SLC6A2: variants seen among roughly 807,000 people sequenced by gnomAD.
The protein encoded by SLC6A2 is sodium-dependent noradrenaline transporter.
Under a neutral mutation model 71.7 loss-of-function variants are expected in SLC6A2, and 26 were observed. That is an observed-to-expected ratio of 0.36 (90% confidence interval 0.27 to 0.50). SLC6A2 has a LOEUF of 0.50. Among genes scored for constraint, SLC6A2 ranks in the 20% least tolerant of loss-of-function variants. The pLI is 0.96. For missense variants in SLC6A2, 581 were observed against 803.9 expected (o/e 0.72, Z 3.35); for synonymous variants, 363 against 337.9 (o/e 1.07, Z -0.82).
At position 55,691,905 on chromosome 16, in the gene SLC6A2, A is replaced by G. The variant is rs531745755; in HGVS notation, c.784-13A>G. 6.2e-7 allele frequency: 1 copy of G among 1,614,114 alleles called. No homozygotes were observed. The highest frequency in any genetic ancestry group is 8.5e-7 in the Non-Finnish European group (1 of 1,179,998). The stretch of plus-strand genomic sequence containing the variant: ...CAGAGCGAGGCTCTCACCTGAACTT[A>G]TCCATTGCCCAGGTGGTGTGGATCA... On this transcript the variant is annotated splice_polypyrimidine_tract_variant and intron_variant, in intron 5 of 14. Coordinates refer to ENST00000568943, the MANE Select transcript of SLC6A2 (RefSeq NM_001172501.3).
intron 4 of SLC6A2, among the ~76,000 whole-genome samples, chr16:55,679,686 G>T (rs556272874): frequency 6.6e-6 from 1 of 152,208 alleles, no homozygotes; most frequent in Non-Finnish European, 1.5e-5. Context: ...GAGCTCGGAC[G>T]TGTGTTCTGG....
rs1021018162 is a variant in SLC6A2, at chr16:55,656,345, C to A, written c.-52+176C>A. On this transcript the variant is annotated intron_variant, in intron 1 of 14. Coordinates refer to ENST00000568943, the MANE Select transcript of SLC6A2 (RefSeq NM_001172501.3). This position sits in a 1 kb window ranked among gnomAD's most constrained non-coding sequence, Gnocchi z 4.5. ...GGGGAGGGGGTCGGCACGCTGCCCTCAGCCTCGGTGAGTTCAATCCCAGCC... is the reference window on the plus strand; with the variant it reads ...GGGGAGGGGGTCGGCACGCTGCCCTAAGCCTCGGTGAGTTCAATCCCAGCC... The A allele has an allele frequency of 7.5e-6, 3 of 397,768 alleles. No individual in the cohort carries two copies. The highest frequency in any genetic ancestry group is 1.4e-5 in the Non-Finnish European group (3 of 213,218). The allele number at this position is 397,768 out of a possible 1,614,324, so 24.6% of individuals were successfully genotyped here. A position where few individuals can be genotyped will look rare whatever the true frequency, so the allele number is the denominator to read the frequency against.
chr16:55,658,404 G>A (rs1163835579), intron 2 of SLC6A2, among the ~76,000 whole-genome samples: 2 of 152,028 alleles, frequency 1.3e-5, no homozygotes, highest in East Asian at 1.9e-4. Context: ...TCCCAGCTAC[G>A]CAGGAGGCTG....
chr16:55,658,163 C>T (rs1280593488), intron 2 of SLC6A2, among the ~76,000 whole-genome samples: 1 of 152,116 alleles, frequency 6.6e-6, no homozygotes, highest in Admixed American at 6.5e-5. Flanking sequence ...TACAACTCTG[C>T]TTCTATGTGT....
intron 2 of SLC6A2, among the ~76,000 whole-genome samples, chr16:55,662,957 A>G (rs542701055): frequency 2.3e-4 from 35 of 152,294 alleles, no homozygotes; most frequent in South Asian, 2.1e-4. Context: ...CTCCGATTCA[A>G]TTCAATTCTG....
At chr16:55,699,518 G>T (rs1317592751) in intron 11 of SLC6A2, 36 bp from the exon 12 acceptor site, 3 of 1,531,140 alleles carry the variant, frequency 2.0e-6, no homozygotes, top group Non-Finnish European at 2.7e-6. Flanking sequence ...GCTATCATGG[G>T]GGCCATGGTA....
chr16:55,698,736 T>C (rs1263449135), intron 11 of SLC6A2, among the ~76,000 whole-genome samples, 168 bp downstream of exon 11: 2 of 152,148 alleles, frequency 1.3e-5, no homozygotes, highest in Non-Finnish European at 2.9e-5. Flanking sequence ...TGGATGAACC[T>C]GCCCTTAACA....
rs146095061 is a variant in SLC6A2 at position 55,699,564 on chromosome 16, G to A, written c.1500G>A (p.Arg500=). 31 of 1,613,850 alleles carry A rather than the reference G, an allele frequency of 1.9e-5. No individual in the cohort carries two copies. The highest frequency in any genetic ancestry group is 2.2e-5 in the Non-Finnish European group (26 of 1,179,878). The stretch of plus-strand genomic sequence containing the variant: ...CCTGTGTGTGCACAGGAGTGGACAG[G>A]TTCAGCAACGACATCCAGCAGATGA... The part of the protein sequence containing the change: ...IGVSWFYGVD[R]FSNDIQQMMG... Residue 500 remains arginine (R), a synonymous_variant, in exon 12 of 15, where the codon AGG becomes AGA. Transcript: ENST00000568943.
intron 4 of SLC6A2, 81 bp downstream of exon 4, chr16:55,672,256 G>A (rs1044668568): frequency 1.2e-4 from 187 of 1,611,678 alleles, no homozygotes; most frequent in Non-Finnish European, 1.4e-4. Context: ...GAAAGTCACA[G>A]ACCAAGGAGA....
chr16:55,682,754 A>C (rs1316859369), intron 4 of SLC6A2, among the ~76,000 whole-genome samples: 1 of 152,158 alleles, frequency 6.6e-6, no homozygotes, highest in East Asian at 1.9e-4. Context: ...GTGACACTGG[A>C]TCTGGGCTTT....
In SLC6A2 at chr16:55,705,605, A is replaced by G. The variant is rs917062905; in HGVS notation, c.*3259A>G. 1.6e-5 allele frequency: 4 copies of G among 244,504 alleles called. No homozygotes were observed. Among genetic ancestry groups the G allele is most frequent in the Non-Finnish European group, 2.3e-5 (3 of 128,218 alleles). The allele number at this position is 244,504 out of a possible 1,614,324, so 15.1% of individuals were successfully genotyped here. A position where few individuals can be genotyped will look rare whatever the true frequency, so the allele number is the denominator to read the frequency against. On this transcript the variant is annotated 3_prime_UTR_variant, in exon 15 of 15. Transcript: ENST00000568943. Reference sequence around the variant, plus strand: ...GGGCTTCAAGATTCTTTGTCTTTAAAATCAGGGGTTATATCAGATCATCAA... The same window carrying G: ...GGGCTTCAAGATTCTTTGTCTTTAAGATCAGGGGTTATATCAGATCATCAA...
Position 55,701,780 on chromosome 16 carries a change from G to A in SLC6A2, c.1759-83G>A, listed in dbSNP as rs546878923. ...GGGCTGCAGGATCAAATAGCAGGTG[G>A]CCCTCATCTGGGGGTGCAGCCAGGC... On this transcript the variant is annotated intron_variant, in intron 13 of 14. Coordinates refer to ENST00000568943, the MANE Select transcript of SLC6A2 (RefSeq NM_001172501.3). The A allele has an allele frequency of 2.0e-4, 188 of 926,168 alleles. 1 individual carries two copies. In the Admixed American group the frequency reaches 3.0e-3, roughly 15 times the overall value. 57.4% of individuals were successfully genotyped at this position (926,168 alleles called of 1,614,324 possible).
At chr16:55,678,857 G>A (rs1332131080) in intron 4 of SLC6A2, among the ~76,000 whole-genome samples, 2 of 152,198 alleles carry the variant, frequency 1.3e-5, no homozygotes, top group African/African-American at 4.8e-5. Context: ...TAAACCCCAA[G>A]GTTTGGGCCT....
In SLC6A2 at chr16:55,705,200, T is replaced by C; in HGVS notation, c.*2854T>C. 6.5e-7 allele frequency: 1 copy of C among 1,531,530 alleles called. No individual in the cohort carries two copies. The allele number at this position is 1,531,530 out of a possible 1,614,324, so 94.9% of individuals were successfully genotyped here. A position where few individuals can be genotyped will look rare whatever the true frequency, so the allele number is the denominator to read the frequency against. On this transcript the variant is annotated 3_prime_UTR_variant, in exon 15 of 15. Transcript: ENST00000568943. ...TGTCTAGTTATTTAGCACCCACCTTTTAGCTTTCATTCTAGATGAAAACGA... is the reference window on the plus strand; with the variant it reads ...TGTCTAGTTATTTAGCACCCACCTTCTAGCTTTCATTCTAGATGAAAACGA...
chr16:55,669,630 C>A lies in SLC6A2; in HGVS notation c.340C>A (p.Leu114Met). Residue 114 changes from leucine to methionine, a missense_variant, in exon 3 of 15, where the codon CTG (leucine) becomes ATG (methionine). Coordinates refer to ENST00000568943, the MANE Select transcript of SLC6A2 (RefSeq NM_001172501.3). ...IAGMPLFYMELALGQYNREGA... is the reference protein window; with the variant it reads ...IAGMPLFYMEMALGQYNREGA... ...GGGGATGCCCCTGTTCTACATGGAGCTGGCTCTGGGACAGTACAACCGGGA... is the reference window on the plus strand; with the variant it reads ...GGGGATGCCCCTGTTCTACATGGAGATGGCTCTGGGACAGTACAACCGGGA... 1 of 1,614,048 alleles carries A rather than the reference C, an allele frequency of 6.2e-7. No homozygotes were observed. Among genetic ancestry groups the A allele is most frequent in the Non-Finnish European group, 8.5e-7 (1 of 1,179,946 alleles).
chr16:55,669,902 A>C (rs1440005925), intron 3 of SLC6A2, among the ~76,000 whole-genome samples: 1 of 152,164 alleles, frequency 6.6e-6, no homozygotes, highest in Non-Finnish European at 1.5e-5. Context: ...AAATTCTGGA[A>C]ACCTGGGTTC....
Position 55,700,172 on chromosome 16 carries a change from C to T in SLC6A2, c.1624C>T (p.Pro542Ser), listed in dbSNP as rs746264543. The T allele has an allele frequency of 5.0e-6, 8 of 1,614,094 alleles. No individual in the cohort carries two copies. In the South Asian group the frequency reaches 7.7e-5, roughly 16 times the overall value. The change falls in exon 13 of 15, where the codon CCA (proline) becomes TCA (serine). Residue 542 changes from proline (P) to serine (S), a missense_variant. Physicochemically the swap from Pro to Ser is moderately conservative, Grantham distance 74. Coordinates refer to ENST00000568943, the MANE Select transcript of SLC6A2 (RefSeq NM_001172501.3). ...VVVVSIINFKPLTYDDYIFPP... is the reference protein window; with the variant it reads ...VVVVSIINFKSLTYDDYIFPP... ...TGTGGTCAGCATCATCAACTTCAAGCCACTCACCTACGACGACTACATCTT... is the reference window on the plus strand; with the variant it reads ...TGTGGTCAGCATCATCAACTTCAAGTCACTCACCTACGACGACTACATCTT...
At chr16:55,698,429 A>C (rs2142620747) in intron 10 of SLC6A2, 40 bp from the exon 11 acceptor site, 1 of 1,414,318 alleles carries the variant, frequency 7.1e-7, no homozygotes, top group East Asian at 2.3e-5. Context: ...CCCACGTTTG[A>C]CCAAAGAGGG....
chr16:55,676,541 T>C (rs1343557514), intron 4 of SLC6A2, among the ~76,000 whole-genome samples: 2 of 152,184 alleles, frequency 1.3e-5, no homozygotes, highest in African/African-American at 2.4e-5. Flanking sequence ...CCGTAGGAGC[T>C]TACTTCTCCT....
Sources: gnomAD v4.1 joint callset for allele counts (sites outside exome capture counted in the v4.1 genomes callset) on GRCh38, gnomAD v4.1.1 for gene constraint, Gnocchi (gnomAD v3.1) non-coding constraint, MANE v1.5 for transcripts, NCBI Gene and HGNC (gene_info 2026-07-23, HGNC 2026-07-21) for gene names.